HDAC6: variants seen among roughly 807,000 people sequenced by gnomAD.
The protein encoded by HDAC6 is histone deacetylase 6.
A neutral mutation model predicts 88.9 loss-of-function variants in HDAC6; 5 were observed. The observed-to-expected ratio is 0.06, with a 90% confidence interval of 0.03 to 0.12. The LOEUF is 0.12. HDAC6 is among the 10% of genes least tolerant of loss of function. HDAC6 has a pLI of 1.00. For synonymous variants in HDAC6, 378 were observed against 398.0 expected (o/e 0.95, Z 0.60); for missense variants, 706 against 1,014.4 (o/e 0.70, Z 4.13).
rs782354147 is a variant in HDAC6 at position 48,818,035 on chromosome X, C to T, written c.1926-6C>T. ...GTCGGTTACTGAGGTGCTGTCTCCT[C>T]CCCAGGATCCTGATTGTGGATTGGG... On this transcript the variant is annotated splice_polypyrimidine_tract_variant and splice_region_variant and intron_variant, in intron 20 of 28. Transcript: ENST00000334136. The T allele has an allele frequency of 3.4e-4, 402 of 1,189,675 alleles. No homozygotes were observed. Among genetic ancestry groups the T allele is most frequent in the Non-Finnish European group, 2.4e-4 (208 of 884,240 alleles).
chrX:48,824,364 G>A (rs1445276519), intron 28 of HDAC6, 70 bp downstream of exon 28: 2 of 1,154,422 alleles, frequency 1.7e-6, no homozygotes, highest in African/African-American at 3.6e-5. Flanking sequence ...CTGTGATTGG[G>A]TAAAGGGAGA....
intron 20 of HDAC6, 27 bp from the exon 21 acceptor site, chrX:48,818,014 G>C: frequency 8.5e-7 from 1 of 1,171,302 alleles, no homozygotes; most frequent in Non-Finnish European, 1.1e-6. Flanking sequence ...AGTATCGTCG[G>C]TTACTGAGGT....
At chrX:48,806,580 C>G (rs782691674) in intron 7 of HDAC6, 29 bp from the exon 8 acceptor site, 1 of 1,124,899 alleles carries the variant, frequency 8.9e-7, no homozygotes, top group Non-Finnish European at 1.2e-6. Flanking sequence ...CTCCCTTACT[C>G]CCTTTCTGGC....
At chrX:48,821,271 G>A (rs913667269) in intron 23 of HDAC6, among the ~76,000 whole-genome samples, 3 of 107,305 alleles carry the variant, frequency 2.8e-5, no homozygotes, top group African/African-American at 6.8e-5. Context: ...GCAGTGGTGC[G>A]ATTGTGGCTC....
At position 48,823,584 on chromosome X, in the gene HDAC6, C is replaced by T; in HGVS notation, c.3185C>T (p.Ser1062Phe). 1.7e-6 allele frequency: 2 copies of T among 1,206,841 alleles called. No individual in the cohort carries two copies. The highest frequency in any genetic ancestry group is 2.2e-6 in the Non-Finnish European group (2 of 892,360). The change falls in exon 25 of 29, where the codon TCT (serine) becomes TTT (phenylalanine). Residue 1062 changes from serine to phenylalanine, a missense_variant. Physicochemically the swap from Ser to Phe is radical, Grantham distance 155. Transcript: ENST00000334136. The part of the protein sequence containing the change: ...SLRTLELGSE[S>F]QGASESQAPG... ...AGGACCTTGGAGCTAGGCAGCGAAT[C>T]TCAGGTAAGGCTCACCACACCCAGG...
At chrX:48,818,192 G>T in intron 21 of HDAC6, 28 bp from the exon 22 acceptor site, 1 of 1,173,953 alleles carries the variant, frequency 8.5e-7, no homozygotes, top group Non-Finnish European at 1.1e-6. Context: ...AACCAGCCAT[G>T]GTCCGCTTCC....
chrX:48,824,289 C>A lies in HDAC6; in HGVS notation c.3574C>A (p.His1192Asn). ...TTACTACTGTCAGGCCTATGTCCACCACCAGGTGGGCCCTGGGTAGACCCT... is the reference window on the plus strand; with the variant it reads ...TTACTACTGTCAGGCCTATGTCCACAACCAGGTGGGCCCTGGGTAGACCCT... ...WCYYCQAYVHHQALLDVKNIA... is the reference protein window; with the variant it reads ...WCYYCQAYVHNQALLDVKNIA... Residue 1192 changes from histidine to asparagine, a missense_variant, in exon 28 of 29, where the codon CAC (histidine) becomes AAC (asparagine). Transcript: ENST00000334136. 2.5e-6 allele frequency: 3 copies of A among 1,209,273 alleles called. No homozygotes were observed. The highest frequency in any genetic ancestry group is 3.4e-6 in the Non-Finnish European group (3 of 894,237).
chrX:48,824,354 C>T, intron 28 of HDAC6, 60 bp downstream of exon 28: 1 of 1,172,859 alleles, frequency 8.5e-7, no homozygotes, highest in South Asian at 1.9e-5. Flanking sequence ...CACACCCCTT[C>T]TGTGATTGGG....
intron 24 of HDAC6, 37 bp from the exon 25 acceptor site, chrX:48,822,875 A>G (rs781908694): frequency 1.7e-6 from 2 of 1,162,186 alleles, no homozygotes; most frequent in East Asian, 6.0e-5. Flanking sequence ...GAAGGGTGAC[A>G]GTACCCACAC....
chrX:48,813,502 C>G (rs1444863078), intron 10 of HDAC6: 2 of 111,684 alleles, frequency 1.8e-5, no homozygotes, highest in Non-Finnish European at 3.8e-5. Context: ...CTTGCATTTC[C>G]CTAAAAAAGC....
At chrX:48,811,495 T>G (rs1006847896) in intron 10 of HDAC6, among the ~76,000 whole-genome samples, 10 of 112,394 alleles carry the variant, frequency 8.9e-5, no homozygotes, top group Non-Finnish European at 1.5e-4. Flanking sequence ...AGGACTACTC[T>G]GCTGCAGTGT....
chrX:48,816,830 A>C, intron 19 of HDAC6, 197 bp downstream of exon 19: 1 of 429,025 alleles, frequency 2.3e-6, no homozygotes, highest in Non-Finnish European at 4.0e-6. Flanking sequence ...GGCCAAGTGC[A>C]GTGGCTCACG....
chrX:48,817,598 A>T, intron 20 of HDAC6, 139 bp downstream of exon 20: 1 of 556,743 alleles, frequency 1.8e-6, no homozygotes, highest in Admixed American at 4.0e-5. Context: ...TGCAGTCCTT[A>T]CCCAGAGAAG....
At chrX:48,823,867 CAT>C in intron 26 of HDAC6, 53 bp from the exon 27 acceptor site, 7 of 1,200,542 alleles carry the variant, frequency 5.8e-6, no homozygotes, top group Non-Finnish European at 6.8e-6. Context: ...GATGAATAAA[CAT>C]ATAATGGGGA....
chrX:48,801,497 G>C (rs989951720), upstream of HDAC6: 2 of 160,676 alleles, frequency 1.2e-5, no homozygotes, highest in Non-Finnish European at 2.4e-5. Flanking sequence ...GACCCGAAGG[G>C]CTCCTAAGTG....
chrX:48,816,372 G>A, intron 18 of HDAC6, 93 bp from the exon 19 acceptor site: 1 of 1,122,091 alleles, frequency 8.9e-7, no homozygotes, highest in Non-Finnish European at 1.2e-6. Context: ...TGCAGGACTT[G>A]AGAGGGGCTG....
chrX:48,822,996 G>T lies in HDAC6; in HGVS notation c.2597G>T (p.Arg866Leu). 8.3e-7 allele frequency: 1 copy of T among 1,211,094 alleles called. No individual in the cohort carries two copies. The highest frequency in any genetic ancestry group is 1.1e-6 in the Non-Finnish European group (1 of 895,077). ...CCAGCCAAACCTAGGTTAGCTGAGCGGATGACCACACGAGAAAAGAAGGTT... is the reference window on the plus strand; with the variant it reads ...CCAGCCAAACCTAGGTTAGCTGAGCTGATGACCACACGAGAAAAGAAGGTT... Reference protein sequence around the residue: ...PQPAKPRLAERMTTREKKVLE... With the variant: ...PQPAKPRLAELMTTREKKVLE... Residue 866 changes from arginine (R) to leucine (L), a missense_variant, in exon 25 of 29, where the codon CGG becomes CTG. Physicochemically the swap from Arg to Leu is moderately radical, Grantham distance 102. Coordinates refer to ENST00000334136, the MANE Select transcript of HDAC6 (RefSeq NM_006044.4).
chrX:48,823,492 C>A lies in HDAC6; in HGVS notation c.3093C>A (p.Thr1031=), dbSNP rs1557031046. The A allele has an allele frequency of 8.3e-7, 1 of 1,210,374 alleles. No individual in the cohort carries two copies. The highest frequency in any genetic ancestry group is 1.7e-5 in the African/African-American group (1 of 57,736). ...TAGCCTCGAGCACAGACCACCAGACCCCCCCAACCTCACCTGTGCAGGGAA... is the reference window on the plus strand; with the variant it reads ...TAGCCTCGAGCACAGACCACCAGACACCCCCAACCTCACCTGTGCAGGGAA... ...TPLASSTDHQ[T]PPTSPVQGTT... Residue 1031 remains threonine, a synonymous_variant, in exon 25 of 29, where the codon ACC becomes ACA. Coordinates refer to ENST00000334136, the MANE Select transcript of HDAC6 (RefSeq NM_006044.4).
Position 48,802,079 on chromosome X carries a change from G to T in HDAC6, c.-94G>T. The T allele has an allele frequency of 2.2e-6, 2 of 900,780 alleles. No individual in the cohort carries two copies. The highest frequency in any genetic ancestry group is 1.4e-6 in the Non-Finnish European group (1 of 721,926). 74.2% of individuals were successfully genotyped at this position (900,780 alleles called of 1,213,427 possible). The stretch of plus-strand genomic sequence containing the variant: ...AGGGGGTGGAGCTGGTTGAAGGAAC[G>T]GGGCAGTCCCCTGAGGAGCGGGGCT... On this transcript the variant is annotated 5_prime_UTR_variant, in exon 1 of 29. Coordinates refer to ENST00000334136, the MANE Select transcript of HDAC6 (RefSeq NM_006044.4).
Sources: gnomAD v4.1 joint callset for allele counts (sites outside exome capture counted in the v4.1 genomes callset) on GRCh38, gnomAD v4.1.1 for gene constraint, MANE v1.5 for transcripts, NCBI Gene and HGNC (gene_info 2026-07-23, HGNC 2026-07-21) for gene names.